SARS1: variants seen among roughly 807,000 people sequenced by gnomAD.
SARS1 encodes the protein serine--tRNA ligase, cytoplasmic.
Under a neutral mutation model 63.7 loss-of-function variants are expected in SARS1, and 25 were observed. The observed-to-expected ratio is 0.39, with a 90% CI of 0.29 to 0.55. The LOEUF (loss-of-function observed/expected upper bound fraction) is 0.55. Ranked by LOEUF, SARS1 falls within the 20% of genes least tolerant of loss-of-function variation. SARS1 has a pLI of 0.62. For missense variants in SARS1, 417 were observed against 649.7 expected, an observed-to-expected ratio of 0.64 and a Z score of 3.89; for synonymous variants, 231 against 243.5, an observed-to-expected ratio of 0.95 and a Z score of 0.48.
At chr1:109,221,993 TA>T (rs1557715342) in intron 1 of SARS1, among the ~76,000 whole-genome samples, 9 of 14,844 alleles carry the variant, frequency 6.1e-4, no homozygotes, top group East Asian at 2.9e-3. Context: ...TATATATATA[TA>T]TATATATATA....
rs35425522 is a variant in SARS1 at position 109,218,366 on chromosome 1, G to GAA, written c.136+4251_136+4252dup. Among the ~76,000 whole-genome samples the GAA allele has an allele frequency of 7.2e-4, 82 of 114,232 alleles. 1 individual carries two copies. The highest frequency in any genetic ancestry group is 1.7e-3 in the Admixed American group (17 of 10,142). 74.9% of individuals were successfully genotyped at this position (114,232 alleles called of 152,430 possible). A position where few individuals can be genotyped will look rare whatever the true frequency, so the allele number is the denominator to read the frequency against. On this transcript the variant is annotated intron_variant, in intron 1 of 10. Transcript: ENST00000234677. ...TGGGGGACAAGGTGAGACTTCATCT[G>GAA]AAAAAAAAAAAAAATTACTGAAACT...
intron 1 of SARS1, chr1:109,215,086 A>G (rs913228375): frequency 1.0e-5 from 10 of 985,364 alleles, no homozygotes; most frequent in South Asian, 9.4e-5. Context: ...ATGGATTTCT[A>G]TTAGGAAAAT....
At chr1:109,215,889 G>A in intron 1 of SARS1, 1 of 378,342 alleles carries the variant, frequency 2.6e-6, no homozygotes, top group Non-Finnish European at 3.6e-6. Context: ...TTTTAGTTGA[G>A]ATGGGAGTTT....
chr1:109,226,668 A>G (rs1290518432), intron 2 of SARS1, among the ~76,000 whole-genome samples: 2 of 48,848 alleles, frequency 4.1e-5, no homozygotes, highest in East Asian at 1.0e-3. Flanking sequence ...TAATTTAAAA[A>G]AAAAAAAAAA....
At chr1:109,228,543 T>C (rs1289519388) in intron 3 of SARS1, 111 bp downstream of exon 3, 1 of 709,628 alleles carries the variant, frequency 1.4e-6, no homozygotes, top group African/African-American at 1.8e-5. Context: ...CATCCTTTCA[T>C]TTCTGCTGCT....
Position 109,235,535 on chromosome 1 carries a change from T to C in SARS1, c.969+104T>C. ...CTGAGGCCCATCCTGGCTCCAGCTT[T>C]TCCTCTCATTGCTTACCTCTGTGTT... On this transcript the variant is annotated intron_variant, in intron 7 of 10. Transcript: ENST00000234677. The surrounding 1 kb of genome is among the most constrained non-coding windows in gnomAD (Gnocchi z 4.7). 2 of 900,378 alleles carry C rather than the reference T, an allele frequency of 2.2e-6. No homozygotes were observed. The highest frequency in any genetic ancestry group is 3.4e-6 in the Non-Finnish European group (2 of 588,762). 55.8% of individuals were successfully genotyped at this position (900,378 alleles called of 1,614,324 possible).
At chr1:109,229,651 G>A in intron 4 of SARS1, 79 bp downstream of exon 4, 3 of 1,411,630 alleles carry the variant, frequency 2.1e-6, no homozygotes, top group South Asian at 1.3e-5. Flanking sequence ...GGAGATCTGT[G>A]GAACACTGGC....
intron 1 of SARS1, among the ~76,000 whole-genome samples, chr1:109,222,418 A>AC (rs1207034993): frequency 6.6e-6 from 1 of 152,170 alleles, no homozygotes; most frequent in Non-Finnish European, 1.5e-5. Flanking sequence ...TACCATGTGT[A>AC]AATTTGTATA....
intron 1 of SARS1, chr1:109,216,732 C>A: frequency 2.0e-6 from 1 of 502,846 alleles, no homozygotes; most frequent in South Asian, 8.7e-5. Flanking sequence ...GATGATCCTC[C>A]TGCCTTAGAC....
At chr1:109,226,678 ATATAT>A (rs1222962080) in intron 2 of SARS1, among the ~76,000 whole-genome samples, 10 of 29,844 alleles carry the variant, frequency 3.4e-4, no homozygotes, top group African/African-American at 9.9e-4. Flanking sequence ...AAAAAAAAAA[ATATAT>A]ATATATATAT....
At chr1:109,236,629 C>T in intron 9 of SARS1, 81 bp downstream of exon 9, 1 of 1,534,226 alleles carries the variant, frequency 6.5e-7, no homozygotes, top group Non-Finnish European at 8.8e-7. Flanking sequence ...TTGGGGTGCA[C>T]TGGTCCCCAG....
rs151057792 is a variant in SARS1 at position 109,221,269 on chromosome 1, C to G, written c.137-2709C>G. ...AGAAACAGGATTTCACCATGTTGGC[C>G]AGGATGGTCTCGATCTCTTGATCTC... On this transcript the variant is annotated intron_variant, in intron 1 of 10. Transcript: ENST00000234677. 6.2e-3 allele frequency among the ~76,000 whole-genome samples: 945 copies of G among 152,184 alleles called. 12 individuals carry two copies. The highest frequency in any genetic ancestry group is 0.022 in the African/African-American group (896 of 41,510).
chr1:109,219,262 CATAT>C lies in SARS1; in HGVS notation c.137-4692_137-4689del, dbSNP rs142272817. Among the ~76,000 whole-genome samples the C allele has an allele frequency of 2.6e-4, 20 of 76,948 alleles. 2 individuals are homozygous for C. The highest frequency in any genetic ancestry group is 1.1e-3 in the South Asian group (2 of 1,850). 50.5% of individuals were successfully genotyped at this position (76,948 alleles called of 152,430 possible). A position where few individuals can be genotyped will look rare whatever the true frequency, so the allele number is the denominator to read the frequency against. On this transcript the variant is annotated intron_variant, in intron 1 of 10. Transcript: ENST00000234677. ...GCCTGGGCGATAGAGCAAGACTCTC[CATAT>C]ATATATATATATATATATATATAGT...
chr1:109,229,407 T>A lies in SARS1; in HGVS notation c.289-7T>A, dbSNP rs200952306. 1 of 1,613,738 alleles carries A rather than the reference T, an allele frequency of 6.2e-7. No homozygotes were observed. Among genetic ancestry groups the A allele is most frequent in the East Asian group, 2.2e-5 (1 of 44,882 alleles). On this transcript the variant is annotated splice_region_variant and splice_polypyrimidine_tract_variant and intron_variant, in intron 3 of 10. Coordinates refer to ENST00000234677, the MANE Select transcript of SARS1 (RefSeq NM_006513.4). ...CCTGCTTATGGGCCTGGCCTGTTCA[T>A]CTGCAGAACCTGAAAGTCTCACAAA...
At chr1:109,230,817 A>AG (rs982348800) in intron 4 of SARS1, 61 bp from the exon 5 acceptor site, 61 of 1,470,960 alleles carry the variant, frequency 4.1e-5, no homozygotes, top group Middle Eastern at 2.0e-4. Flanking sequence ...AAAAAAAAAA[A>AG]TAATTTAAAA....
rs1167915724 is a variant in SARS1, at chr1:109,226,356, CT to C, written c.208-1983del. Among the ~76,000 whole-genome samples the C allele has an allele frequency of 5.1e-3, 663 of 128,866 alleles. 1 individual carries two copies. The highest frequency in any genetic ancestry group is 7.4e-3 in the African/African-American group (254 of 34,168). 84.5% of individuals were successfully genotyped at this position (128,866 alleles called of 152,430 possible). A position where few individuals can be genotyped will look rare whatever the true frequency, so the allele number is the denominator to read the frequency against. On this transcript the variant is annotated intron_variant, in intron 2 of 10. Coordinates refer to ENST00000234677, the MANE Select transcript of SARS1 (RefSeq NM_006513.4). ...AGGAGATTTAGTCCTTTTGTTCTTT[CT>C]TTTTTTTTTTTTGACACAGTGTCTT...
Position 109,237,458 on chromosome 1 carries a change from G to T in SARS1, c.1387+85G>T. ...AGCAGTCCCCTTTCAGGATATACCA[G>T]GTTTTTTTGTTCAGACACAGCCCCT... On this transcript the variant is annotated intron_variant, in intron 10 of 10. Coordinates refer to ENST00000234677, the MANE Select transcript of SARS1 (RefSeq NM_006513.4). The surrounding 1 kb of genome is among the most constrained non-coding windows in gnomAD (Gnocchi z 4.1). The T allele has an allele frequency of 6.3e-7, 1 of 1,584,556 alleles. No individual in the cohort carries two copies. The highest frequency in any genetic ancestry group is 1.1e-5 in the South Asian group (1 of 88,222).
rs1181052089 is a variant in SARS1, at chr1:109,229,577, G to A, written c.447+5G>A. On this transcript the variant is annotated splice_donor_5th_base_variant and intron_variant, in intron 4 of 10. Transcript: ENST00000234677. ...GTACCCATCAGTAACGATGAGGTAG[G>A]TGGCTGTGCCGCAGCAGGAGGCTGC... 7 of 1,607,722 alleles carry A rather than the reference G, an allele frequency of 4.4e-6. No homozygotes were observed. The highest frequency in any genetic ancestry group is 1.1e-5 in the South Asian group (1 of 90,232).
At position 109,214,258 on chromosome 1, in the gene SARS1, A is replaced by G. The variant is rs1654733294; in HGVS notation, c.136+130A>G. ...CCCCTCCCAGGGTGCGGTGGCTCCG[A>G]GGTTCTCCCCATCCCCGAAAACACA... On this transcript the variant is annotated intron_variant, in intron 1 of 10. Transcript: ENST00000234677. This position sits in a 1 kb window ranked among gnomAD's most constrained non-coding sequence, Gnocchi z 4.6. The G allele has an allele frequency of 1.8e-6, 2 of 1,125,004 alleles. No individual in the cohort carries two copies. The highest frequency in any genetic ancestry group is 2.5e-6 in the Non-Finnish European group (2 of 804,300). 69.7% of individuals were successfully genotyped at this position (1,125,004 alleles called of 1,614,324 possible).
Sources: allele counts gnomAD v4.1 joint callset (sites outside exome capture counted in the v4.1 genomes callset), GRCh38; gene constraint gnomAD v4.1.1; non-coding constraint Gnocchi (gnomAD v3.1); transcripts MANE v1.5; gene names NCBI Gene and HGNC (gene_info 2026-07-23, HGNC 2026-07-21).